PCDHA8: variants seen among roughly 807,000 people sequenced by gnomAD.
PCDHA8 encodes the protein protocadherin alpha 8.
PCDHA8 carries 53 observed loss-of-function variants against 61.8 expected under a neutral mutation model. The observed-to-expected ratio is 0.86, with a 90% confidence interval of 0.69 to 1.08. PCDHA8 has a LOEUF of 1.08. PCDHA8 is among the 50% of genes least tolerant of loss of function. The pLI is 0.00. For synonymous variants in PCDHA8, 618 were observed against 556.6 expected, an observed-to-expected ratio of 1.11 and a Z score of -1.55; for missense variants, 1,293 against 1,245.0, an observed-to-expected ratio of 1.04 and a Z score of -0.58.
intron 1 of PCDHA8, among the ~76,000 whole-genome samples, chr5:140,846,372 T>C (rs1014223048): frequency 1.5e-5 from 1 of 66,612 alleles, no homozygotes; most frequent in Non-Finnish European, 3.6e-5. Flanking sequence ...TTTCTTTCTT[T>C]CTTTTTTTTT....
chr5:140,915,992 G>A (rs1437857401), intron 1 of PCDHA8, among the ~76,000 whole-genome samples: 2 of 152,134 alleles, frequency 1.3e-5, no homozygotes, highest in African/African-American at 4.8e-5. Context: ...GGCTAAGCTG[G>A]CACTCAAACC....
chr5:140,941,961 T>A (rs150142414), intron 1 of PCDHA8, among the ~76,000 whole-genome samples: 2 of 152,214 alleles, frequency 1.3e-5, no homozygotes, highest in African/African-American at 4.8e-5. Flanking sequence ...AACAATAGTA[T>A]CTTTACTTTC....
In PCDHA8 at chr5:140,857,546, G is replaced by A. The variant is rs1554150192; in HGVS notation, c.2394+13831G>A. 8 of 1,596,870 alleles carry A rather than the reference G, an allele frequency of 5.0e-6. 2 individuals carry two copies. In the Admixed American group the frequency reaches 8.4e-5, roughly 17 times the overall value. On this transcript the variant is annotated intron_variant, in intron 1 of 3. Coordinates refer to ENST00000531613, the MANE Select transcript of PCDHA8 (RefSeq NM_018911.3). ...CTCTCTGGTGGAGCGGCGGTTGGGC[G>A]AGCGCTCGCTGTCGAGCTACGTGTC...
intron 1 of PCDHA8, among the ~76,000 whole-genome samples, chr5:140,925,108 G>GGAAGGAAGGAA (rs1554202548): frequency 1.6e-5 from 2 of 124,702 alleles, no homozygotes; most frequent in African/African-American, 3.3e-5. Flanking sequence ...GAAGGAAGGA[G>GGAAGGAAGGAA]GGAAGGAAGG....
intron 1 of PCDHA8, chr5:140,869,729 A>C (rs1554163384): frequency 6.2e-7 from 1 of 1,613,280 alleles, no homozygotes; most frequent in Admixed American, 1.7e-5. Context: ...CCGGAACTTA[A>C]TTTGCTGCTA....
At chr5:140,958,953 T>A (rs1489065015) in intron 1 of PCDHA8, among the ~76,000 whole-genome samples, 2 of 144,196 alleles carry the variant, frequency 1.4e-5, no homozygotes, top group Non-Finnish European at 3.1e-5. Flanking sequence ...ATTATATTAT[T>A]ATAATTGTTC....
intron 3 of PCDHA8, among the ~76,000 whole-genome samples, chr5:140,985,509 T>C (rs6886977): frequency 1.5e-3 from 223 of 152,280 alleles, no homozygotes; most frequent in African/African-American, 4.4e-3. Context: ...CTTTCATTGA[T>C]TCTGTTGCCC....
intron 1 of PCDHA8, chr5:140,864,893 T>C (rs1554159192): frequency 1.3e-5 from 2 of 152,194 alleles, no homozygotes; most frequent in South Asian, 2.1e-4. Flanking sequence ...TTAAGCTGCA[T>C]GGTCTTCAGA....
At chr5:140,985,999 A>G (rs932659753) in intron 3 of PCDHA8, among the ~76,000 whole-genome samples, 10 of 152,104 alleles carry the variant, frequency 6.6e-5, no homozygotes, top group Non-Finnish European at 1.5e-4. Flanking sequence ...TCAGCCTCCC[A>G]AAGTGCTGGG....
At chr5:140,980,160 T>C (rs1408251279) in intron 2 of PCDHA8, among the ~76,000 whole-genome samples, 1 of 152,140 alleles carries the variant, frequency 6.6e-6, no homozygotes, top group East Asian at 1.9e-4. Context: ...TACCAGAATA[T>C]TAGGTATCAG....
intron 1 of PCDHA8, among the ~76,000 whole-genome samples, chr5:140,960,928 AAGTTT>A (rs2095579865): frequency 6.6e-6 from 1 of 152,184 alleles, no homozygotes; most frequent in South Asian, 2.1e-4. Context: ...AATTGGTACT[AAGTTT>A]AGTGAATTAG....
intron 1 of PCDHA8, among the ~76,000 whole-genome samples, chr5:140,874,119 G>C (rs1256177133): frequency 6.6e-6 from 1 of 152,064 alleles, no homozygotes; most frequent in Non-Finnish European, 1.5e-5. Flanking sequence ...ACGTTTTATA[G>C]TTTATTTAAG....
intron 1 of PCDHA8, among the ~76,000 whole-genome samples, chr5:140,961,983 A>C (rs941028423): frequency 1.3e-5 from 2 of 151,532 alleles, no homozygotes; most frequent in Non-Finnish European, 2.9e-5. Context: ...TCCTGGGTTC[A>C]CGCCATTGTC....
chr5:140,883,851 T>C, intron 1 of PCDHA8: 1 of 1,612,946 alleles, frequency 6.2e-7, no homozygotes, highest in African/African-American at 1.3e-5. Context: ...CACGAGGAGC[T>C]GGAGCTGTTG....
chr5:140,985,060 C>T (rs1377386395), intron 3 of PCDHA8, among the ~76,000 whole-genome samples: 2 of 152,066 alleles, frequency 1.3e-5, no homozygotes, highest in Admixed American at 6.5e-5. Flanking sequence ...GCCTCAGCCT[C>T]CTGAGTAGCT....
In PCDHA8 at chr5:140,968,565, C is replaced by T. The variant is rs532751675; in HGVS notation, c.2395-10384C>T. ...GAGATGGTGCCTCGAACTGCCCCTG[C>T]TGGCTACCTGGTCACCAAAGTCATA... is the stretch of plus-strand genomic sequence containing the variant. On this transcript the variant is annotated intron_variant, in intron 1 of 3. Coordinates refer to ENST00000531613, the MANE Select transcript of PCDHA8 (RefSeq NM_018911.3). 4.3e-6 allele frequency: 7 copies of T among 1,614,206 alleles called. No homozygotes were observed. The African/African-American group carries it at 6.7e-5, about 15-fold the overall frequency.
At chr5:140,926,906 G>T in intron 1 of PCDHA8, 1 of 1,559,584 alleles carries the variant, frequency 6.4e-7, no homozygotes, top group Non-Finnish European at 8.7e-7. Context: ...GTGGGCTGTG[G>T]GGTGGCAGTT....
rs1402531454 is a variant in PCDHA8 at position 141,011,521 on chromosome 5, TA to T, written c.*1586del. 1 of 153,804 alleles carries T rather than the reference TA, an allele frequency of 6.5e-6. No individual in the cohort carries two copies. The allele number at this position is 153,804 out of a possible 1,614,324, so 9.5% of individuals were successfully genotyped here. A position where few individuals can be genotyped will look rare whatever the true frequency, so the allele number is the denominator to read the frequency against. ...GTGAAAAAGTGGAGTAGTGTTTTTT[TA>T]ACCATTGTTAATCAGCTTTTGTGTA... On this transcript the variant is annotated 3_prime_UTR_variant, in exon 4 of 4. Coordinates refer to ENST00000531613, the MANE Select transcript of PCDHA8 (RefSeq NM_018911.3).
intron 1 of PCDHA8, among the ~76,000 whole-genome samples, chr5:140,970,887 G>A (rs2096441583): frequency 6.6e-6 from 1 of 152,118 alleles, no homozygotes; most frequent in Non-Finnish European, 1.5e-5. Context: ...TTTTCTCATG[G>A]ACATTTCAGA....
Sources: allele counts gnomAD v4.1 joint callset (sites outside exome capture counted in the v4.1 genomes callset), GRCh38; gene constraint gnomAD v4.1.1; transcripts MANE v1.5; gene names NCBI Gene and HGNC (gene_info 2026-07-23, HGNC 2026-07-21).